The following EFHC1 variants were observed in gnomAD, a reference collection of about 807,000 sequenced individuals.
EFHC1 encodes the protein EF-hand domain-containing protein 1.
EFHC1 carries 53 observed loss-of-function variants against 69.9 expected under a neutral mutation model. That is an observed-to-expected ratio of 0.76 (90% CI 0.61 to 0.95). The LOEUF is 0.95. Among genes scored for constraint, EFHC1 ranks in the 40% least tolerant of loss-of-function variants. The pLI, the probability that EFHC1 is intolerant of heterozygous loss-of-function variation, is 0.00. For synonymous variants in EFHC1, 256 were observed against 278.4 expected (o/e 0.92, Z 0.80); for missense variants, 739 against 798.7 (o/e 0.93, Z 0.90).
intron 3 of EFHC1, 47 bp from the exon 4 acceptor site, chr6:52,452,641 T>A: frequency 1.2e-6 from 2 of 1,605,828 alleles, no homozygotes; most frequent in Non-Finnish European, 8.5e-7. Flanking sequence ...TAACTTACTC[T>A]GAAAAGCTCC....
chr6:52,434,387 C>T (rs769208214), intron 2 of EFHC1, among the ~76,000 whole-genome samples: 2 of 152,158 alleles, frequency 1.3e-5, no homozygotes, highest in Admixed American at 6.5e-5. Flanking sequence ...GTATTTCACT[C>T]GCCTCTCTGA....
At chr6:52,449,380 CAA>C (rs141155248) in intron 3 of EFHC1, among the ~76,000 whole-genome samples, 23 of 104,346 alleles carry the variant, frequency 2.2e-4, no homozygotes, top group Admixed American at 4.2e-4. Flanking sequence ...GACTCCATCT[CAA>C]AAAAAAAAAA....
chr6:52,490,145 A>C lies in EFHC1; in HGVS notation c.1646A>C (p.Gln549Pro). 1 of 1,613,934 alleles carries C rather than the reference A, an allele frequency of 6.2e-7. No homozygotes were observed. Among genetic ancestry groups the C allele is most frequent in the Non-Finnish European group, 8.5e-7 (1 of 1,179,864 alleles). Residue 549 changes from glutamine (Q) to proline (P), a missense_variant, in exon 10 of 11, where the codon CAA (glutamine) becomes CCA (proline). Transcript: ENST00000371068. ...TTTCCTTCCTTTCTCTACAGCAAGC[A>C]AACTGAAAAGGATCCAGGCGTGCAG... ...EAPAPEAESK[Q>P]TEKDPGVQEL...
In EFHC1 at chr6:52,438,671, T is replaced by G. The variant is rs1764591984; in HGVS notation, c.573+80T>G. 12 of 1,472,102 alleles carry G rather than the reference T, an allele frequency of 8.2e-6. 1 individual carries two copies. The South Asian group carries it at 1.3e-4, about 15-fold the overall frequency. The allele number at this position is 1,472,102 out of a possible 1,614,324, so 91.2% of individuals were successfully genotyped here. A position where few individuals can be genotyped will look rare whatever the true frequency, so the allele number is the denominator to read the frequency against. ...GAAGGATACATTTCATTTATTAGGG[T>G]AAGGGGAGGACATTGGTAATCTGTC... is the stretch of plus-strand genomic sequence containing the variant. On this transcript the variant is annotated intron_variant, in intron 3 of 10. Transcript: ENST00000371068.
chr6:52,427,405 C>T (rs752987622), intron 2 of EFHC1, among the ~76,000 whole-genome samples: 1 of 152,086 alleles, frequency 6.6e-6, no homozygotes, highest in Non-Finnish European at 1.5e-5. Context: ...AATTCCAATT[C>T]AGGGCCTTTT....
chr6:52,437,077 C>T (rs1217546486), intron 2 of EFHC1, among the ~76,000 whole-genome samples: 2 of 152,166 alleles, frequency 1.3e-5, no homozygotes, highest in African/African-American at 4.8e-5. Context: ...GGTATTTACA[C>T]ACGTTTTAGA....
At chr6:52,427,927 C>T (rs1303650607) in intron 2 of EFHC1, among the ~76,000 whole-genome samples, 1 of 115,048 alleles carries the variant, frequency 8.7e-6, no homozygotes, top group East Asian at 2.1e-4. Context: ...TGAGCACTTC[C>T]TGGGAGTTAG....
chr6:52,473,713 C>T (rs186693211), intron 7 of EFHC1, among the ~76,000 whole-genome samples: 44 of 151,792 alleles, frequency 2.9e-4, no homozygotes, highest in African/African-American at 8.9e-4. Context: ...GTCTGGGGGG[C>T]GGAGGTTGCA....
chr6:52,423,982 A>G lies in EFHC1; in HGVS notation c.100A>G (p.Arg34Gly), dbSNP rs1350819390. Residue 34 changes from arginine (R) to glycine (G), a missense_variant, in exon 2 of 11, where the codon AGG becomes GGG. Arg to Gly is a moderately radical substitution (Grantham distance 125). Coordinates refer to ENST00000371068, the MANE Select transcript of EFHC1 (RefSeq NM_018100.4). ...AFHRSQTLSY[R>G]NGYAIVRRPT... ...CCACAGAAGTCAGACGCTGAGCTAC[A>G]GGAACGGCTATGCAATTGTTCGACG... The G allele has an allele frequency of 4.3e-6, 7 of 1,614,164 alleles. No homozygotes were observed. The highest frequency in any genetic ancestry group is 5.9e-6 in the Non-Finnish European group (7 of 1,180,032).
intron 7 of EFHC1, among the ~76,000 whole-genome samples, chr6:52,478,026 C>G (rs1220717573): frequency 6.6e-6 from 1 of 152,014 alleles, no homozygotes; most frequent in Non-Finnish European, 1.5e-5. Flanking sequence ...GGAACCAACC[C>G]AAATGTCCAA....
Position 52,448,323 on chromosome 6 carries a change from G to A in EFHC1, c.574-4365G>A, listed in dbSNP as rs145015221. Among the ~76,000 whole-genome samples, 111 of 152,352 alleles carry A rather than the reference G, an allele frequency of 7.3e-4. No homozygotes were observed. In the Middle Eastern group the frequency reaches 0.01, roughly 14 times the overall value. On this transcript the variant is annotated intron_variant, in intron 3 of 10. Coordinates refer to ENST00000371068, the MANE Select transcript of EFHC1 (RefSeq NM_018100.4). ...CCGCCTTGCAGTTCAATCTCACGCT[G>A]CTGTGCTAGCAGTGAGAGAGGCTCT... is the stretch of plus-strand genomic sequence containing the variant.
intron 4 of EFHC1, chr6:52,453,673 T>G: frequency 1.6e-6 from 2 of 1,257,700 alleles, no homozygotes; most frequent in Non-Finnish European, 2.0e-6. Context: ...AAGATATGTG[T>G]TGATGGGACC....
rs764297951 is a variant in EFHC1 at position 52,469,323 on chromosome 6, G to A, written c.1138-10G>A. On this transcript the variant is annotated splice_polypyrimidine_tract_variant and intron_variant, in intron 6 of 10. Transcript: ENST00000371068. ...ATCTGCCTTACTTCTTGCTTCCTAT[G>A]TATCTCCAGGAGTTGCCTCCTTATA... is the stretch of plus-strand genomic sequence containing the variant. The A allele has an allele frequency of 1.4e-5, 23 of 1,613,678 alleles. No individual in the cohort carries two copies. The highest frequency in any genetic ancestry group is 1.8e-5 in the Non-Finnish European group (21 of 1,179,878).
chr6:52,469,574 A>C, intron 7 of EFHC1, 101 bp downstream of exon 7: 1 of 1,538,310 alleles, frequency 6.5e-7, no homozygotes, highest in Non-Finnish European at 8.9e-7. Context: ...TGTCAGAGTT[A>C]TGTGTTGACT....
chr6:52,486,198 T>C (rs1189346197), intron 9 of EFHC1: 1 of 152,242 alleles, frequency 6.6e-6, no homozygotes, highest in South Asian at 2.1e-4. Flanking sequence ...AGTTCTAAGA[T>C]GATGAAATTT....
rs778432296 is a variant in EFHC1 at position 52,454,244 on chromosome 6, A to C, written c.873A>C (p.Leu291=). ...RNDGRDPFPL[L]MNRQRVPKVL... ...ATGGGAGAGATCCTTTCCCACTCCT[A>C]ATGAACCGCCAGCGTGTGCCCAAAG... The change falls in exon 5 of 11, where the codon CTA becomes CTC. Residue 291 remains leucine (L), a synonymous_variant. Transcript: ENST00000371068. The C allele has an allele frequency of 3.1e-6, 5 of 1,614,068 alleles. No homozygotes were observed. The highest frequency in any genetic ancestry group is 4.2e-6 in the Non-Finnish European group (5 of 1,180,022).
chr6:52,472,430 C>T (rs1425892853), intron 7 of EFHC1, among the ~76,000 whole-genome samples: 1 of 152,002 alleles, frequency 6.6e-6, no homozygotes, highest in African/African-American at 2.4e-5. Flanking sequence ...CCAAAATGAA[C>T]AATTGTATAT....
intron 4 of EFHC1, 56 bp from the exon 5 acceptor site, chr6:52,454,039 C>T: frequency 2.5e-6 from 4 of 1,610,564 alleles, no homozygotes; most frequent in Non-Finnish European, 3.4e-6. Flanking sequence ...CCAAAGTAGC[C>T]AAGTTGAACT....
At chr6:52,459,611 A>G (rs1366526117) in intron 5 of EFHC1, among the ~76,000 whole-genome samples, 1 of 152,246 alleles carries the variant, frequency 6.6e-6, no homozygotes, top group African/African-American at 2.4e-5. Flanking sequence ...CTGCTAGTGG[A>G]AGGTCAGCTG....
Sources: allele counts gnomAD v4.1 joint callset (sites outside exome capture counted in the v4.1 genomes callset), GRCh38; gene constraint gnomAD v4.1.1; transcripts MANE v1.5; gene names NCBI Gene and HGNC (gene_info 2026-07-23, HGNC 2026-07-21).